The following CNTN4 variants were observed in gnomAD, a reference collection of about 807,000 sequenced individuals.
CNTN4 encodes contactin 4.
Under a neutral mutation model 122.5 loss-of-function variants are expected in CNTN4, and 77 were observed. The observed-to-expected ratio is 0.63, with a 90% CI of 0.52 to 0.76. The LOEUF (loss-of-function observed/expected upper bound fraction) is 0.76, where lower values mean the gene tolerates loss of function less well. Ranked by LOEUF, CNTN4 falls within the 30% of genes least tolerant of loss-of-function variation. CNTN4 has a pLI of 0.00. For missense variants in CNTN4, 1,256 were observed against 1,259.1 expected (o/e 1.00, Z 0.04); for synonymous variants, 512 against 447.0 (o/e 1.15, Z -1.83).
chr3:2,139,527 C>T (rs780427261), intron 2 of CNTN4, among the ~76,000 whole-genome samples: 4 of 152,134 alleles, frequency 2.6e-5, no homozygotes, highest in Non-Finnish European at 4.4e-5. Context: ...AAAGATATAA[C>T]ATAATGAAAA....
In CNTN4 at chr3:2,778,168, C is replaced by T. The variant is rs567782190; in HGVS notation, c.358+32471C>T. Among the ~76,000 whole-genome samples, 94 of 140,266 alleles carry T rather than the reference C, an allele frequency of 6.7e-4. 4 individuals carry two copies. The highest frequency in any genetic ancestry group is 2.1e-3 in the African/African-American group (78 of 36,634). 92.0% of individuals were successfully genotyped at this position (140,266 alleles called of 152,430 possible). A position where few individuals can be genotyped will look rare whatever the true frequency, so the allele number is the denominator to read the frequency against. On this transcript the variant is annotated intron_variant, in intron 6 of 24. Transcript: ENST00000418658. ...AGCGGAGCTTGTGGTGAGCCGAGAT[C>T]GCGCCACTGCACTCCAGCCTGGGCG...
Position 2,294,708 on chromosome 3 carries a change from G to A in CNTN4, c.-144-44470G>A, listed in dbSNP as rs192182005. Among the ~76,000 whole-genome samples the A allele has an allele frequency of 3.6e-3, 554 of 152,218 alleles. 3 individuals carry two copies. The highest frequency in any genetic ancestry group is 4.6e-3 in the Non-Finnish European group (313 of 68,016). On this transcript the variant is annotated intron_variant, in intron 2 of 24. Coordinates refer to ENST00000418658, the MANE Select transcript of CNTN4 (RefSeq NM_175607.3). ...AATTATTAATATACTTTAAGTTTTAGGGTACATGTGCACAACGTGCAGGTT... is the reference window on the plus strand; with the variant it reads ...AATTATTAATATACTTTAAGTTTTAAGGTACATGTGCACAACGTGCAGGTT...
intron 2 of CNTN4, among the ~76,000 whole-genome samples, chr3:2,328,295 A>T (rs1379891194): frequency 6.7e-6 from 1 of 150,290 alleles, no homozygotes; most frequent in Non-Finnish European, 1.5e-5. Context: ...AGTCCCAGCT[A>T]CTCGGGAGGC....
chr3:2,990,771 C>T (rs921813787), intron 14 of CNTN4, among the ~76,000 whole-genome samples: 2 of 152,148 alleles, frequency 1.3e-5, no homozygotes, highest in Non-Finnish European at 2.9e-5. Context: ...TAATTTCTAC[C>T]TATTCTAACA....
At chr3:2,395,745 C>T (rs1319237816) in intron 3 of CNTN4, among the ~76,000 whole-genome samples, 1 of 152,128 alleles carries the variant, frequency 6.6e-6, no homozygotes, top group Non-Finnish European at 1.5e-5. Context: ...GTAATGGCCT[C>T]CAACTGTATC....
At chr3:2,465,161 T>G (rs1001185325) in intron 3 of CNTN4, among the ~76,000 whole-genome samples, 3 of 152,186 alleles carry the variant, frequency 2.0e-5, no homozygotes, top group African/African-American at 7.2e-5. Context: ...TATACTACAA[T>G]AATAACTTTA....
intron 4 of CNTN4, among the ~76,000 whole-genome samples, chr3:2,614,564 A>G (rs967195303): frequency 3.3e-5 from 5 of 152,130 alleles, no homozygotes; most frequent in African/African-American, 1.2e-4. Context: ...CAGATTCAGG[A>G]TGTTTGGGAG....
intron 2 of CNTN4, among the ~76,000 whole-genome samples, chr3:2,209,816 T>C (rs1416666080): frequency 6.6e-6 from 1 of 152,128 alleles, no homozygotes; most frequent in East Asian, 1.9e-4. Context: ...TTCCTCCTAT[T>C]ATGAAACAGG....
At chr3:2,752,239 G>A (rs1414884678) in intron 6 of CNTN4, among the ~76,000 whole-genome samples, 1 of 152,212 alleles carries the variant, frequency 6.6e-6, no homozygotes, top group African/African-American at 2.4e-5. Context: ...TATGCAATGT[G>A]TAAATGATCA....
intron 2 of CNTN4, among the ~76,000 whole-genome samples, chr3:2,188,656 G>A (rs572811819): frequency 2.6e-4 from 39 of 152,116 alleles, no homozygotes; most frequent in Non-Finnish European, 4.3e-4. Context: ...GTTGAAATCT[G>A]GCCTCTCAGG....
chr3:2,327,789 C>T lies in CNTN4; in HGVS notation c.-144-11389C>T, dbSNP rs570164358. On this transcript the variant is annotated intron_variant, in intron 2 of 24. Coordinates refer to ENST00000418658, the MANE Select transcript of CNTN4 (RefSeq NM_175607.3). Reference sequence around the variant, plus strand: ...TTGGAACCTCCCCTATTCTGGAGTTCCAGATCTGATTACTCATGTAGAATC... The same window carrying T: ...TTGGAACCTCCCCTATTCTGGAGTTTCAGATCTGATTACTCATGTAGAATC... Among the ~76,000 whole-genome samples the T allele has an allele frequency of 2.0e-5, 3 of 152,250 alleles. No homozygotes were observed. In the South Asian group the frequency reaches 6.2e-4, roughly 32 times the overall value.
chr3:2,804,469 C>A (rs190546526), intron 6 of CNTN4, among the ~76,000 whole-genome samples: 17 of 152,160 alleles, frequency 1.1e-4, no homozygotes, highest in Non-Finnish European at 1.0e-4. Context: ...ATAAAATTAC[C>A]CACTTTAGGG....
At chr3:2,969,062 C>T (rs1297013692) in intron 13 of CNTN4, among the ~76,000 whole-genome samples, 1 of 152,168 alleles carries the variant, frequency 6.6e-6, no homozygotes, top group African/African-American at 2.4e-5. Flanking sequence ...TTGCAACTAT[C>T]ACCATCATCT....
chr3:2,622,473 A>G (rs2082027050), intron 4 of CNTN4, among the ~76,000 whole-genome samples: 1 of 152,074 alleles, frequency 6.6e-6, no homozygotes, highest in African/African-American at 2.4e-5. Context: ...TTGTATTTTT[A>G]GTAGAGATGG....
chr3:2,863,746 T>C (rs2093694763), intron 7 of CNTN4, among the ~76,000 whole-genome samples: 1 of 148,106 alleles, frequency 6.8e-6, no homozygotes, highest in Non-Finnish European at 1.5e-5. Flanking sequence ...TTAAACACTC[T>C]CTAAGGAGTT....
chr3:2,746,685 T>A (rs1260423558), intron 6 of CNTN4, among the ~76,000 whole-genome samples: 1 of 152,202 alleles, frequency 6.6e-6, no homozygotes, highest in African/African-American at 2.4e-5. Flanking sequence ...CAACATCCAA[T>A]ATACCTAATA....
intron 4 of CNTN4, among the ~76,000 whole-genome samples, chr3:2,697,004 CTTTA>C (rs2086073451): frequency 6.6e-6 from 1 of 152,176 alleles, no homozygotes; most frequent in South Asian, 2.1e-4. Context: ...TTATTCTCCT[CTTTA>C]TTCAGTTTCG....
intron 4 of CNTN4, among the ~76,000 whole-genome samples, chr3:2,686,951 A>G (rs2085463118): frequency 6.6e-6 from 1 of 152,216 alleles, no homozygotes; most frequent in African/African-American, 2.4e-5. Context: ...GTCATTAACA[A>G]TATGACCTGA....
intron 4 of CNTN4, among the ~76,000 whole-genome samples, chr3:2,615,524 A>G (rs2081682013): frequency 6.6e-6 from 1 of 152,198 alleles, no homozygotes. Flanking sequence ...TAATTAAATC[A>G]TTAAGATTTC....
Sources: allele counts gnomAD v4.1 joint callset (sites outside exome capture counted in the v4.1 genomes callset), GRCh38; gene constraint gnomAD v4.1.1; transcripts MANE v1.5; gene names NCBI Gene and HGNC (gene_info 2026-07-23, HGNC 2026-07-21).